Variants in TANC2 observed in about 807,000 individuals in gnomAD.
TANC2 encodes tetratricopeptide repeat, ankyrin repeat and coiled-coil containing 2.
Under a neutral mutation model 210.5 loss-of-function variants are expected in TANC2, and 26 were observed. That is an observed-to-expected ratio of 0.12 (90% CI 0.09 to 0.17). The LOEUF is 0.17. Ranked by LOEUF, TANC2 falls within the 10% of genes least tolerant of loss-of-function variation. The pLI is 1.00. For missense variants in TANC2, 2,129 were observed against 2,608.9 expected (o/e 0.82, Z 4.01); for synonymous variants, 931 against 967.1 (o/e 0.96, Z 0.69).
intron 3 of TANC2, among the ~76,000 whole-genome samples, chr17:63,090,507 T>C (rs967628657): frequency 6.6e-6 from 1 of 152,176 alleles, no homozygotes; most frequent in African/African-American, 2.4e-5. Context: ...GGTTTCCGGC[T>C]TCATCCATGT....
At chr17:63,073,135 A>C (rs892098000) in intron 2 of TANC2, among the ~76,000 whole-genome samples, 2 of 152,114 alleles carry the variant, frequency 1.3e-5, no homozygotes, top group Non-Finnish European at 2.9e-5. Context: ...TAACAAATTT[A>C]TAGGTGTATA....
exon 17 of TANC2, chr17:63,389,530 A>C: frequency 1.9e-6 from 3 of 1,608,120 alleles, no homozygotes; most frequent in Non-Finnish European, 2.5e-6. Context: ...GCTGCTGTGC[A>C]AGAAACGGGC....
chr17:63,205,205 G>A (rs772529384), intron 7 of TANC2, among the ~76,000 whole-genome samples: 46 of 152,002 alleles, frequency 3.0e-4, no homozygotes, highest in South Asian at 2.1e-4. Flanking sequence ...AACAATTAGC[G>A]TTAGGAAAAT....
At chr17:63,132,671 G>T (rs2038959174) in intron 4 of TANC2, among the ~76,000 whole-genome samples, 1 of 152,134 alleles carries the variant, frequency 6.6e-6, no homozygotes, top group South Asian at 2.1e-4. Flanking sequence ...TAGGGAGATT[G>T]AAAAGCAACT....
intron 5 of TANC2, chr17:63,182,203 A>G (rs1598548790): frequency 5.9e-6 from 1 of 168,466 alleles, no homozygotes; most frequent in East Asian, 1.8e-4. Context: ...ATGTAGAGAC[A>G]TGCCCACCTG....
intron 5 of TANC2, among the ~76,000 whole-genome samples, chr17:63,190,807 CCAGA>C (rs1003154753): frequency 1.3e-5 from 2 of 152,164 alleles, no homozygotes; most frequent in African/African-American, 4.8e-5. Context: ...CCTCCAAAGA[CCAGA>C]CAATCTTTAA....
intron 1 of TANC2, chr17:62,967,607 T>A (rs541207632): frequency 6.6e-6 from 1 of 152,308 alleles, no homozygotes; most frequent in South Asian, 2.1e-4. Context: ...AATTATGAGT[T>A]AAAGATCATT....
Position 63,420,035 on chromosome 17 carries a change from C to T in TANC2, c.4305C>T (p.Ala1435=), listed in dbSNP as rs1184295858. 5.8e-6 allele frequency: 9 copies of T among 1,551,122 alleles called. No individual in the cohort carries two copies. Among genetic ancestry groups the T allele is most frequent in the Non-Finnish European group, 7.0e-6 (8 of 1,146,328 alleles). Residue 1435 remains alanine (A), a synonymous_variant, in exon 28 of 28, where the codon GCC becomes GCT. Coordinates refer to ENST00000689528, the Ensembl canonical transcript of TANC2. The surrounding 1 kb of genome is among the most constrained non-coding windows in gnomAD (Gnocchi z 4.2). The stretch of plus-strand genomic sequence containing the variant: ...CAGCCTTAGAGGACCTGAACGAGGC[C>T]ATCAAGCTGTGTCCCAACAACCGTG...
At chr17:62,971,434 A>T (rs1030092002) in intron 1 of TANC2, among the ~76,000 whole-genome samples, 6 of 152,006 alleles carry the variant, frequency 3.9e-5, no homozygotes, top group African/African-American at 1.2e-4. Flanking sequence ...GGCTCAGGCG[A>T]TCCTCTCACC....
At chr17:63,409,632 A>G (rs954232414) in intron 21 of TANC2, among the ~76,000 whole-genome samples, 4 of 152,242 alleles carry the variant, frequency 2.6e-5, no homozygotes, top group Non-Finnish European at 4.4e-5. Flanking sequence ...GTGCACTTAC[A>G]CAATCCTAGA....
chr17:63,121,434 C>T (rs1186241537), intron 4 of TANC2, among the ~76,000 whole-genome samples: 1 of 151,938 alleles, frequency 6.6e-6, no homozygotes, highest in Non-Finnish European at 1.5e-5. Flanking sequence ...TTACTTTCCC[C>T]CCATTCCTCT....
chr17:63,255,230 G>A (rs944976644), intron 8 of TANC2, among the ~76,000 whole-genome samples: 4 of 151,688 alleles, frequency 2.6e-5, no homozygotes, highest in African/African-American at 7.2e-5. Flanking sequence ...TCAGCCTCCC[G>A]AGCAGCTAGG....
chr17:62,971,474 C>T (rs1435948899), intron 1 of TANC2, among the ~76,000 whole-genome samples: 1 of 152,168 alleles, frequency 6.6e-6, no homozygotes, highest in Non-Finnish European at 1.5e-5. Context: ...AGACTATAGG[C>T]ACGTGCCACC....
intron 3 of TANC2, among the ~76,000 whole-genome samples, chr17:63,076,416 T>A (rs1394053287): frequency 3.3e-5 from 5 of 152,092 alleles, no homozygotes; most frequent in Non-Finnish European, 2.9e-5. Flanking sequence ...AAAAAAAGTC[T>A]TTTCTGGAGA....
chr17:63,330,523 C>T (rs2045803212), intron 11 of TANC2, among the ~76,000 whole-genome samples: 1 of 152,064 alleles, frequency 6.6e-6, no homozygotes, highest in Admixed American at 6.5e-5. Flanking sequence ...TTAAAGGTGA[C>T]CATACCAATT....
chr17:63,312,155 A>G (rs565831685), intron 9 of TANC2, among the ~76,000 whole-genome samples: 3 of 152,224 alleles, frequency 2.0e-5, no homozygotes, highest in Non-Finnish European at 4.4e-5. Flanking sequence ...ACTAGATTTT[A>G]AAAGGATTTT....
chr17:63,123,833 CTGGGATTACAGG>C lies in TANC2; in HGVS notation c.322+24478_322+24489del, dbSNP rs1304725760. On this transcript the variant is annotated intron_variant, in intron 4 of 27. Transcript: ENST00000689528. The stretch of plus-strand genomic sequence containing the variant: ...TTCTCTGCCTCAGCCTCCCGAGTAG[CTGGGATTACAGG>C]TACCTGCCACCACGCCCAGCTGATT... Among the ~76,000 whole-genome samples, 8 of 151,472 alleles carry C rather than the reference CTGGGATTACAGG, an allele frequency of 5.3e-5. No homozygotes were observed. The East Asian group carries it at 1.6e-3, about 30-fold the overall frequency.
At chr17:63,236,696 T>C (rs2042630255) in intron 7 of TANC2, among the ~76,000 whole-genome samples, 1 of 152,136 alleles carries the variant, frequency 6.6e-6, no homozygotes, top group Non-Finnish European at 1.5e-5. Flanking sequence ...CATTCCATTT[T>C]CTACTTCAAT....
At chr17:63,024,391 C>A (rs190017359) in intron 2 of TANC2, among the ~76,000 whole-genome samples, 1 of 152,164 alleles carries the variant, frequency 6.6e-6, no homozygotes, top group Non-Finnish European at 1.5e-5. Context: ...CCATGACATT[C>A]GTAAACTGTC....
Sources: gnomAD v4.1 joint callset for allele counts (sites outside exome capture counted in the v4.1 genomes callset) on GRCh38, gnomAD v4.1.1 for gene constraint, Gnocchi (gnomAD v3.1) non-coding constraint, MANE v1.5 for transcripts, NCBI Gene and HGNC (gene_info 2026-07-23, HGNC 2026-07-21) for gene names.